Variants in SYN3 observed in about 807,000 individuals in gnomAD.
SYN3 encodes synapsin III, also known as synapsin-3.
A neutral mutation model predicts 65.8 loss-of-function variants in SYN3; 35 were observed. That is an observed-to-expected ratio of 0.53 (90% confidence interval 0.41 to 0.70). SYN3 has a LOEUF of 0.70. SYN3 is among the 30% of genes least tolerant of loss of function. The pLI, the probability that SYN3 is intolerant of heterozygous loss-of-function variation, is 0.00. For missense variants in SYN3, 680 were observed against 749.0 expected (o/e 0.91, Z 1.08); for synonymous variants, 270 against 292.9 (o/e 0.92, Z 0.80).
intron 7 of SYN3, among the ~76,000 whole-genome samples, chr22:32,560,521 G>A (rs5749460): frequency 0.052 from 7,937 of 152,190 alleles, 395 homozygotes; most frequent in East Asian, 0.23. Flanking sequence ...GGCCTATCCT[G>A]TCGATTCCAG....
intron 6 of SYN3, among the ~76,000 whole-genome samples, chr22:32,854,396 A>T (rs550161955): frequency 6.6e-6 from 1 of 152,264 alleles, no homozygotes; most frequent in Admixed American, 6.5e-5. Context: ...GACTGTAACC[A>T]GGGGCTTCAT....
intron 6 of SYN3, among the ~76,000 whole-genome samples, chr22:32,709,454 C>T (rs910812771): frequency 2.6e-5 from 4 of 152,182 alleles, no homozygotes; most frequent in Non-Finnish European, 5.9e-5. Flanking sequence ...CAAACCTCTG[C>T]GTGTCCTAAA....
intron 6 of SYN3, among the ~76,000 whole-genome samples, chr22:32,628,570 G>T (rs1164249564): frequency 6.6e-6 from 1 of 152,144 alleles, no homozygotes; most frequent in Non-Finnish European, 1.5e-5. Context: ...ACAATAAAAT[G>T]AGACAGAGAG....
intron 3 of SYN3, among the ~76,000 whole-genome samples, chr22:32,964,657 T>C (rs988655134): frequency 1.1e-4 from 17 of 152,172 alleles, no homozygotes; most frequent in Non-Finnish European, 2.9e-5. Context: ...ATCTGAATAA[T>C]AATGAGCCTT....
At chr22:32,569,103 A>G (rs182276929) in intron 7 of SYN3, among the ~76,000 whole-genome samples, 63 of 152,326 alleles carry the variant, frequency 4.1e-4, no homozygotes, top group African/African-American at 1.5e-3. Context: ...TACAAATGCC[A>G]TGATTTGGAA....
At chr22:32,596,600 G>A (rs2059203403) in intron 7 of SYN3, 74 bp downstream of exon 7, 2 of 1,507,056 alleles carry the variant, frequency 1.3e-6, no homozygotes. Flanking sequence ...ATGGGTGACA[G>A]AGGGAGAGAG....
intron 7 of SYN3, among the ~76,000 whole-genome samples, chr22:32,562,563 CG>C (rs1022501684): frequency 1.3e-5 from 2 of 152,180 alleles, no homozygotes; most frequent in African/African-American, 4.8e-5. Context: ...TGGTCTTTCA[CG>C]GGGAGTGCCC....
At chr22:32,550,130 G>C (rs1210489970) in intron 7 of SYN3, among the ~76,000 whole-genome samples, 1 of 152,112 alleles carries the variant, frequency 6.6e-6, no homozygotes. Flanking sequence ...AATATATTAA[G>C]CTAGTGGCTT....
chr22:33,048,817 T>C (rs1207845056), intron 1 of SYN3, among the ~76,000 whole-genome samples: 1 of 152,090 alleles, frequency 6.6e-6, no homozygotes, highest in Non-Finnish European at 1.5e-5. Flanking sequence ...TGTATGAAGG[T>C]ATTAGAGGCT....
intron 7 of SYN3, among the ~76,000 whole-genome samples, chr22:32,583,649 A>G (rs2058981214): frequency 6.6e-6 from 1 of 152,172 alleles, no homozygotes; most frequent in Non-Finnish European, 1.5e-5. Context: ...GTATCATTGA[A>G]ACGGTCCTCA....
intron 6 of SYN3, among the ~76,000 whole-genome samples, chr22:32,855,791 T>C (rs931130670): frequency 3.3e-5 from 5 of 152,184 alleles, no homozygotes; most frequent in African/African-American, 1.2e-4. Flanking sequence ...GTCCCAAATA[T>C]TTCCTAGGGG....
rs11303501 is a variant in SYN3, at chr22:32,609,476, GTT to G, written c.712-12742_712-12741del. On this transcript the variant is annotated intron_variant, in intron 6 of 13. Transcript: ENST00000358763. ...CTCTAGTGATGACATCCTGCCTGGT[GTT>G]TTTTTTTTTTTTTTAAGAGACAGGG... is the stretch of plus-strand genomic sequence containing the variant. 4.1e-3 allele frequency among the ~76,000 whole-genome samples: 573 copies of G among 138,892 alleles called. 7 individuals are homozygous for G. In the East Asian group the frequency reaches 0.047, roughly 11 times the overall value. 91.1% of individuals were successfully genotyped at this position (138,892 alleles called of 152,430 possible).
intron 1 of SYN3, among the ~76,000 whole-genome samples, chr22:33,021,542 A>T (rs915081184): frequency 1.3e-5 from 2 of 152,188 alleles, no homozygotes; most frequent in Admixed American, 1.3e-4. Context: ...CAAAGAAAGA[A>T]GATGAATTCC....
At chr22:32,858,195 A>T (rs2048429701) in intron 6 of SYN3, 1 of 1,603,832 alleles carries the variant, frequency 6.2e-7, no homozygotes, top group Admixed American at 1.7e-5. Flanking sequence ...AGCCCTAGAA[A>T]CATCAGCTCC....
chr22:32,677,694 G>A lies in SYN3; in HGVS notation c.712-80958C>T, dbSNP rs901152553. Among the ~76,000 whole-genome samples the A allele has an allele frequency of 1.4e-4, 21 of 152,116 alleles. No individual in the cohort carries two copies. In the South Asian group the frequency reaches 3.7e-3, roughly 27 times the overall value. On this transcript the variant is annotated intron_variant, in intron 6 of 13. Coordinates refer to ENST00000358763, the MANE Select transcript of SYN3 (RefSeq NM_003490.4). ...CGGGCGCCTGTAGTCCCACCTACTC[G>A]GGAGGCTGAGGCAGGAGAATGGCAT...
At chr22:32,655,602 C>G (rs1259394418) in intron 6 of SYN3, among the ~76,000 whole-genome samples, 1 of 152,118 alleles carries the variant, frequency 6.6e-6, no homozygotes, top group Non-Finnish European at 1.5e-5. Context: ...AGCGTGGACC[C>G]TATTGTGAAC....
chr22:32,791,848 C>T (rs1037851992), intron 6 of SYN3, among the ~76,000 whole-genome samples: 3 of 152,026 alleles, frequency 2.0e-5, no homozygotes, highest in Admixed American at 6.5e-5. Flanking sequence ...CCAGTAGGCA[C>T]TCTATAGGAA....
At chr22:32,951,890 C>A (rs1205226903) in intron 3 of SYN3, among the ~76,000 whole-genome samples, 1 of 152,222 alleles carries the variant, frequency 6.6e-6, no homozygotes, top group Non-Finnish European at 1.5e-5. Flanking sequence ...AGCCCATGGG[C>A]CCCCTCCCCT....
In SYN3 at chr22:32,535,783, G is replaced by C. The variant is rs186187183; in HGVS notation, c.993-1888C>G. Among the ~76,000 whole-genome samples, 222 of 151,016 alleles carry C rather than the reference G, an allele frequency of 1.5e-3. 1 individual carries two copies. The highest frequency in any genetic ancestry group is 1.1e-3 in the Non-Finnish European group (75 of 67,640). Reference sequence around the variant, plus strand: ...CAGCGTGAGAGTGCTTGGAGAATCGGGGGGGGGGCCCTGCTCCCCTCCTGC... The same window carrying C: ...CAGCGTGAGAGTGCTTGGAGAATCGCGGGGGGGGCCCTGCTCCCCTCCTGC... On this transcript the variant is annotated intron_variant, in intron 9 of 13. Transcript: ENST00000358763.
Sources: gnomAD v4.1 joint callset for allele counts (sites outside exome capture counted in the v4.1 genomes callset) on GRCh38, gnomAD v4.1.1 for gene constraint, MANE v1.5 for transcripts, NCBI Gene and HGNC (gene_info 2026-07-23, HGNC 2026-07-21) for gene names.